Variants in LRBA observed in about 807,000 individuals in gnomAD.
LRBA encodes LPS responsive beige-like anchor protein, also known as lipopolysaccharide-responsive and beige-like anchor protein.
A neutral mutation model predicts 330.0 loss-of-function variants in LRBA; 176 were observed. That is an observed-to-expected ratio of 0.53 (90% confidence interval 0.47 to 0.60). LRBA has a LOEUF of 0.60. Among genes scored for constraint, LRBA ranks in the 20% least tolerant of loss-of-function variants. The probability of loss-of-function intolerance (pLI) is 0.00; values close to 1 mark genes in which losing one functional copy is unlikely to be tolerated. For synonymous variants in LRBA, 1,230 were observed against 1,193.0 expected, an observed-to-expected ratio of 1.03 and a Z score of -0.64; for missense variants, 3,259 against 3,444.8, an observed-to-expected ratio of 0.95 and a Z score of 1.35.
chr4:150,322,814 C>G (rs1275097420), intron 49 of LRBA, among the ~76,000 whole-genome samples: 2 of 152,126 alleles, frequency 1.3e-5, no homozygotes, highest in Non-Finnish European at 2.9e-5. Context: ...TCTGATGTGG[C>G]CTCAATTAAG....
chr4:150,960,514 C>A (rs1029516047), intron 2 of LRBA, among the ~76,000 whole-genome samples: 15 of 148,518 alleles, frequency 1.0e-4, no homozygotes, highest in Admixed American at 8.6e-4. Context: ...CTAAGAAAAA[C>A]TAAATTATAG....
At chr4:150,525,205 T>C (rs1442872080) in intron 40 of LRBA, among the ~76,000 whole-genome samples, 4 of 152,270 alleles carry the variant, frequency 2.6e-5, no homozygotes, top group East Asian at 3.9e-4. Flanking sequence ...TTGTGTATAG[T>C]CTGCATATTT....
chr4:150,639,821 A>G (rs867029965), intron 37 of LRBA, among the ~76,000 whole-genome samples: 23 of 3,716 alleles, frequency 6.2e-3, no homozygotes, highest in Non-Finnish European at 9.4e-3. Flanking sequence ...GTGTGTGTGT[A>G]TATATATATA....
chr4:150,349,267 T>C (rs1456533866), intron 48 of LRBA, among the ~76,000 whole-genome samples: 2 of 152,220 alleles, frequency 1.3e-5, no homozygotes, highest in African/African-American at 2.4e-5. Context: ...AAGTGATATA[T>C]AACTTGCCCC....
chr4:150,366,494 T>C (rs72734418), intron 47 of LRBA, among the ~76,000 whole-genome samples: 36 of 152,266 alleles, frequency 2.4e-4, no homozygotes, highest in Non-Finnish European at 4.4e-4. Context: ...ACAAACAGCA[T>C]GGCAAGAGTT....
At position 150,844,167 on chromosome 4, in the gene LRBA, CTT is replaced by C; in HGVS notation, c.4500_4501del (p.Asp1502SerfsTer2). ...GTCCTGTAGAAGCCTGTCAAGATCT[CTT>C]ACTGGAGATATACCGCCAGTCACAA... On this transcript the variant is annotated frameshift_variant, in exon 28 of 57. Coordinates refer to ENST00000651943, the MANE Select transcript of LRBA (RefSeq NM_001364905.1). LOFTEE classifies it high-confidence loss of function. The C allele has an allele frequency of 6.2e-7, 1 of 1,611,402 alleles. No homozygotes were observed. The highest frequency in any genetic ancestry group is 8.5e-7 in the Non-Finnish European group (1 of 1,178,360).
At chr4:150,665,141 C>T (rs1781456686) in intron 37 of LRBA, among the ~76,000 whole-genome samples, 1 of 152,108 alleles carries the variant, frequency 6.6e-6, no homozygotes, top group Non-Finnish European at 1.5e-5. Flanking sequence ...TGTCTAATTC[C>T]TCCAGGAATT....
intron 34 of LRBA, among the ~76,000 whole-genome samples, chr4:150,787,150 G>A (rs1329662741): frequency 2.6e-5 from 4 of 151,752 alleles, no homozygotes; most frequent in South Asian, 2.1e-4. Context: ...GAAGATCACC[G>A]CGGAGGTTGC....
chr4:150,584,300 T>G, intron 40 of LRBA: 2 of 541,704 alleles, frequency 3.7e-6, no homozygotes, highest in Admixed American at 3.8e-5. Flanking sequence ...AATCACATTC[T>G]TGCACAAAAG....
rs572104489 is a variant in LRBA, at chr4:150,548,601, T to C, written c.6330+39447A>G. ...AATATAAAAATACATCAATATTAGT[T>C]ATTTACCTAATGGTGCTGTTAAAAA... On this transcript the variant is annotated intron_variant, in intron 40 of 56. Coordinates refer to ENST00000651943, the MANE Select transcript of LRBA (RefSeq NM_001364905.1). Among the ~76,000 whole-genome samples, 7 of 152,244 alleles carry C rather than the reference T, an allele frequency of 4.6e-5. No homozygotes were observed. The South Asian group carries it at 1.4e-3, about 32-fold the overall frequency.
chr4:150,617,188 ACTAT>A (rs1223548297), intron 37 of LRBA, among the ~76,000 whole-genome samples: 4 of 152,376 alleles, frequency 2.6e-5, no homozygotes, highest in Non-Finnish European at 4.4e-5. Context: ...AAGCAGCAAT[ACTAT>A]CTATGTTAAT....
intron 48 of LRBA, among the ~76,000 whole-genome samples, chr4:150,326,353 T>C (rs999354050): frequency 6.6e-6 from 1 of 152,206 alleles, no homozygotes. Context: ...GAAAGTGGCT[T>C]GATGCTATAT....
At chr4:150,316,653 C>G (rs1313756385) in intron 50 of LRBA, among the ~76,000 whole-genome samples, 1 of 152,160 alleles carries the variant, frequency 6.6e-6, no homozygotes, top group Non-Finnish European at 1.5e-5. Context: ...TATTAGAGCT[C>G]TGCTTAATGC....
intron 38 of LRBA, among the ~76,000 whole-genome samples, chr4:150,596,420 A>G (rs1773490693): frequency 6.6e-6 from 1 of 151,898 alleles, no homozygotes; most frequent in Non-Finnish European, 1.5e-5. Context: ...TCTTCCTTTG[A>G]TAATGATAAT....
intron 31 of LRBA, among the ~76,000 whole-genome samples, chr4:150,809,902 TACG>T (rs1560850165): frequency 1.2e-4 from 18 of 150,342 alleles, no homozygotes; most frequent in South Asian, 4.2e-4. Flanking sequence ...TACGATACGA[TACG>T]ATACGATACG....
At chr4:150,799,117 T>C (rs1453376383) in intron 33 of LRBA, among the ~76,000 whole-genome samples, 3 of 152,202 alleles carry the variant, frequency 2.0e-5, no homozygotes, top group African/African-American at 7.2e-5. Context: ...ATAGCGCATG[T>C]TGGCATTTTT....
intron 40 of LRBA, among the ~76,000 whole-genome samples, chr4:150,507,099 C>T (rs1761193086): frequency 6.6e-6 from 1 of 151,660 alleles, no homozygotes; most frequent in Non-Finnish European, 1.5e-5. Context: ...AATGGAAGAA[C>T]ATTCCATGCT....
intron 37 of LRBA, among the ~76,000 whole-genome samples, chr4:150,627,351 C>T (rs1400079523): frequency 2.0e-5 from 3 of 151,844 alleles, no homozygotes; most frequent in African/African-American, 4.8e-5. Flanking sequence ...CAAAAAAATT[C>T]TACAATAAAT....
intron 26 of LRBA, among the ~76,000 whole-genome samples, chr4:150,848,562 G>GAAAAAAAAAAAAAA: frequency 8.3e-6 from 1 of 120,042 alleles, no homozygotes; most frequent in Non-Finnish European, 1.7e-5. Flanking sequence ...GGAGAAAAAA[G>GAAAAAAAAAAAAAA]AAAAAAAAAA....
Sources: allele counts gnomAD v4.1 joint callset (sites outside exome capture counted in the v4.1 genomes callset), GRCh38; gene constraint gnomAD v4.1.1; transcripts MANE v1.5; gene names NCBI Gene and HGNC (gene_info 2026-07-23, HGNC 2026-07-21).